TYW1: variants seen among roughly 807,000 people sequenced by gnomAD.
TYW1 encodes tRNA-yW synthesizing protein 1 homolog.
TYW1 carries 46 observed loss-of-function variants against 96.2 expected under a neutral mutation model. That is an observed-to-expected ratio of 0.48 (90% CI 0.38 to 0.61). The LOEUF (loss-of-function observed/expected upper bound fraction) is 0.61. Among genes scored for constraint, TYW1 ranks in the 20% least tolerant of loss-of-function variants. The pLI is 0.00. For missense variants in TYW1, 684 were observed against 909.6 expected (o/e 0.75, Z 3.19); for synonymous variants, 274 against 323.0 (o/e 0.85, Z 1.63).
intron 10 of TYW1, among the ~76,000 whole-genome samples, chr7:67,076,253 T>C (rs1308100790): frequency 2.0e-5 from 3 of 152,222 alleles, no homozygotes; most frequent in Non-Finnish European, 4.4e-5. Flanking sequence ...AGGTTATAAA[T>C]GTCCCTGTCT....
In TYW1 at chr7:67,239,388, T is replaced by A; in HGVS notation, c.*859T>A. ...GGCCCTGGCTGCTTTACACAATCTG[T>A]TCTATAAGGTTCAGGTGTTTTCAAG... is the stretch of plus-strand genomic sequence containing the variant. On this transcript the variant is annotated 3_prime_UTR_variant, in exon 16 of 16. Coordinates refer to ENST00000359626, the MANE Select transcript of TYW1 (RefSeq NM_018264.4). The A allele has an allele frequency of 4.1e-6, 4 of 984,704 alleles. No individual in the cohort carries two copies. The highest frequency in any genetic ancestry group is 9.4e-5 in the South Asian group (2 of 21,270). The allele number at this position is 984,704 out of a possible 1,614,324, so 61.0% of individuals were successfully genotyped here.
intron 13 of TYW1, among the ~76,000 whole-genome samples, chr7:67,128,356 T>C (rs1797965208): frequency 6.6e-6 from 1 of 152,162 alleles, no homozygotes; most frequent in African/African-American, 2.4e-5. Context: ...AGTTAGAGTG[T>C]TTTAGAGCTC....
At chr7:67,228,750 T>C (rs1240690124) in intron 15 of TYW1, among the ~76,000 whole-genome samples, 1 of 152,234 alleles carries the variant, frequency 6.6e-6, no homozygotes, top group East Asian at 1.9e-4. Flanking sequence ...TCAGTGACTC[T>C]GCAGTATTTG....
chr7:67,184,622 AT>A (rs1413075581), intron 14 of TYW1, among the ~76,000 whole-genome samples: 1 of 89,792 alleles, frequency 1.1e-5, no homozygotes, highest in African/African-American at 5.8e-5. Context: ...ATTTTATTTT[AT>A]TTTATTTTAT....
chr7:67,069,630 T>C (rs1315062546), intron 10 of TYW1, among the ~76,000 whole-genome samples: 1 of 152,082 alleles, frequency 6.6e-6, no homozygotes, highest in African/African-American at 2.4e-5. Flanking sequence ...TCCCAGCTAC[T>C]CCAGAAGGCT....
At chr7:67,167,116 C>G (rs896012336) in intron 13 of TYW1, among the ~76,000 whole-genome samples, 1 of 152,102 alleles carries the variant, frequency 6.6e-6, no homozygotes, top group African/African-American at 2.4e-5. Context: ...AAGAAGTAGC[C>G]AACTTCAATG....
At chr7:67,083,315 T>A in intron 10 of TYW1, 115 bp from the exon 11 acceptor site, 1 of 995,822 alleles carries the variant, frequency 1.0e-6, no homozygotes, top group Non-Finnish European at 1.5e-6. Context: ...GTTGAACTCT[T>A]AGGAGGAAAC....
At chr7:67,168,119 G>C (rs1352308077) in intron 13 of TYW1, among the ~76,000 whole-genome samples, 1 of 124,184 alleles carries the variant, frequency 8.1e-6, no homozygotes, top group African/African-American at 3.2e-5. Context: ...AGCTTTATGT[G>C]ACTATTATCA....
intron 7 of TYW1, among the ~76,000 whole-genome samples, chr7:67,034,593 A>C (rs1794776602): frequency 6.6e-6 from 1 of 152,096 alleles, no homozygotes; most frequent in Admixed American, 6.6e-5. Flanking sequence ...TGGCTACACA[A>C]ATGGGATCAT....
intron 13 of TYW1, among the ~76,000 whole-genome samples, chr7:67,159,230 A>T (rs1198251296): frequency 6.6e-6 from 1 of 152,166 alleles, no homozygotes; most frequent in Non-Finnish European, 1.5e-5. Context: ...TTCTTAACCC[A>T]TCTACTATTA....
intron 6 of TYW1, among the ~76,000 whole-genome samples, chr7:67,018,586 A>AACTCATG (rs1794107607): frequency 6.6e-6 from 1 of 151,724 alleles, no homozygotes; most frequent in Admixed American, 6.6e-5. Context: ...GAAGATGTGA[A>AACTCATG]ACTCATGTGG....
At chr7:67,084,837 G>T (rs2115782247) in intron 11 of TYW1, among the ~76,000 whole-genome samples, 1 of 152,244 alleles carries the variant, frequency 6.6e-6, no homozygotes, top group East Asian at 1.9e-4. Context: ...GTTTCTGGTT[G>T]GTGTTGATGT....
At chr7:67,128,983 C>T (rs1330916368) in intron 13 of TYW1, among the ~76,000 whole-genome samples, 5 of 152,156 alleles carry the variant, frequency 3.3e-5, no homozygotes, top group African/African-American at 9.7e-5. Flanking sequence ...GCCACCGCGC[C>T]CAGTCTAGGT....
intron 1 of TYW1, 139 bp from the exon 2 acceptor site, chr7:66,997,926 G>C: frequency 8.4e-7 from 1 of 1,197,082 alleles, no homozygotes; most frequent in Non-Finnish European, 1.1e-6. Flanking sequence ...ATCGTGCCCG[G>C]CCAACAGTTG....
At chr7:67,029,277 G>A (rs1380072875) in intron 7 of TYW1, among the ~76,000 whole-genome samples, 7 of 150,660 alleles carry the variant, frequency 4.6e-5, no homozygotes, top group South Asian at 2.1e-4. Flanking sequence ...GAGCTACCGC[G>A]CCCGGCTGGC....
At chr7:67,212,964 C>A (rs546544729) in intron 15 of TYW1, among the ~76,000 whole-genome samples, 2 of 152,016 alleles carry the variant, frequency 1.3e-5, no homozygotes, top group Non-Finnish European at 2.9e-5. Context: ...CAACCTCTGC[C>A]CCCCAGGTTC....
At chr7:67,004,526 T>G (rs966733797) in intron 3 of TYW1, among the ~76,000 whole-genome samples, 1 of 152,222 alleles carries the variant, frequency 6.6e-6, no homozygotes, top group Non-Finnish European at 1.5e-5. Flanking sequence ...TCACCAGATG[T>G]AGTTGTCCAA....
chr7:67,222,186 G>T (rs1417260833), intron 15 of TYW1, among the ~76,000 whole-genome samples: 1 of 151,890 alleles, frequency 6.6e-6, no homozygotes. Flanking sequence ...AACAGAGCGA[G>T]ACTCCATCTC....
chr7:67,200,176 C>T (rs1356051840), intron 15 of TYW1, among the ~76,000 whole-genome samples: 2 of 152,074 alleles, frequency 1.3e-5, no homozygotes, highest in African/African-American at 4.8e-5. Flanking sequence ...CTGAGATAGA[C>T]CCTCATTATT....
Sources: allele counts gnomAD v4.1 joint callset (sites outside exome capture counted in the v4.1 genomes callset), GRCh38; gene constraint gnomAD v4.1.1; transcripts MANE v1.5; gene names NCBI Gene and HGNC (gene_info 2026-07-23, HGNC 2026-07-21).